Variants in GLT1D1 observed in about 807,000 individuals in gnomAD.
GLT1D1 encodes glycosyltransferase 1 domain containing 1, also known as glycosyltransferase 1 domain-containing protein 1.
Under a neutral mutation model 28.7 loss-of-function variants are expected in GLT1D1, and 21 were observed. The ratio of observed to expected loss-of-function variants is 0.73; its 90% CI spans 0.52 to 1.05. GLT1D1 has a LOEUF of 1.05. Among genes scored for constraint, GLT1D1 ranks in the 50% least tolerant of loss-of-function variants. GLT1D1 has a pLI of 0.00. For missense variants in GLT1D1, 343 were observed against 330.6 expected (o/e 1.04, Z -0.29); for synonymous variants, 147 against 124.8 (o/e 1.18, Z -1.19).
At chr12:128,894,213 C>T (rs996520661) in intron 3 of GLT1D1, among the ~76,000 whole-genome samples, 6 of 152,204 alleles carry the variant, frequency 3.9e-5, no homozygotes, top group Middle Eastern at 3.4e-3. Flanking sequence ...CCTCTCCGTC[C>T]GTCTTTCCTT....
At chr12:128,973,600 G>A (rs938871004) in intron 7 of GLT1D1, among the ~76,000 whole-genome samples, 6 of 151,792 alleles carry the variant, frequency 4.0e-5, no homozygotes, top group Admixed American at 1.3e-4. Flanking sequence ...GCTCTAACCC[G>A]CCAAGCCGTC....
At chr12:128,941,237 G>A (rs1473098292) in intron 4 of GLT1D1, among the ~76,000 whole-genome samples, 2 of 152,150 alleles carry the variant, frequency 1.3e-5, no homozygotes, top group African/African-American at 4.8e-5. Flanking sequence ...TGATGATCAG[G>A]TCCTGGCCTT....
intron 7 of GLT1D1, among the ~76,000 whole-genome samples, chr12:128,973,348 A>ATTTTTTTTTT (rs369304204): frequency 4.2e-5 from 5 of 118,856 alleles, no homozygotes; most frequent in Non-Finnish European, 3.4e-5. Flanking sequence ...ACACCTGGCT[A>ATTTTTTTTTT]TTTTTTTTTT....
intron 4 of GLT1D1, 80 bp from the exon 5 acceptor site, chr12:128,912,344 A>T: frequency 1.2e-6 from 1 of 859,050 alleles, no homozygotes; most frequent in Non-Finnish European, 1.8e-6. Flanking sequence ...TTTGTTAATG[A>T]CCTTCATTTT....
intron 7 of GLT1D1, among the ~76,000 whole-genome samples, chr12:128,974,397 G>A (rs61946475): frequency 0.2 from 30,990 of 152,046 alleles, 3,886 homozygotes; most frequent in Non-Finnish European, 0.28. Flanking sequence ...ACAGAGCCCC[G>A]GGAATGGCAG....
chr12:128,981,663 CTA>C (rs1880330216), intron 7 of GLT1D1, among the ~76,000 whole-genome samples: 1 of 152,212 alleles, frequency 6.6e-6, no homozygotes. Context: ...CAAAAGCACT[CTA>C]TGTTGATCTT....
intron 4 of GLT1D1, among the ~76,000 whole-genome samples, chr12:128,914,557 C>T (rs960930558): frequency 6.6e-6 from 1 of 152,160 alleles, no homozygotes; most frequent in Non-Finnish European, 1.5e-5. Flanking sequence ...TGGTGGCTTA[C>T]ACCTGTAATC....
At chr12:128,952,170 T>C (rs672633) in intron 6 of GLT1D1, among the ~76,000 whole-genome samples, 132,991 of 151,932 alleles carry the variant, frequency 0.88, 58,355 homozygotes, top group African/African-American at 0.93. Context: ...GACTGGGAGA[T>C]GGGCAGGAAG....
At chr12:128,875,848 G>C in intron 1 of GLT1D1, 66 bp from the exon 2 acceptor site, 3 of 1,377,654 alleles carry the variant, frequency 2.2e-6, no homozygotes, top group East Asian at 2.3e-5. Context: ...CTTAACTGTA[G>C]CAGCAACCTG....
At chr12:128,959,602 TC>T (rs1877731965) in intron 7 of GLT1D1, among the ~76,000 whole-genome samples, 1 of 152,130 alleles carries the variant, frequency 6.6e-6, no homozygotes, top group Admixed American at 6.5e-5. Flanking sequence ...CAGGAGTTTC[TC>T]TGTTATTGTC....
chr12:128,897,524 C>G (rs1566112680), intron 3 of GLT1D1, among the ~76,000 whole-genome samples: 1 of 152,046 alleles, frequency 6.6e-6, no homozygotes, highest in Non-Finnish European at 1.5e-5. Context: ...GCTGCTTGTT[C>G]TCTTATATCA....
At chr12:128,893,131 G>C (rs959662665) in intron 3 of GLT1D1, among the ~76,000 whole-genome samples, 1 of 152,148 alleles carries the variant, frequency 6.6e-6, no homozygotes, top group Non-Finnish European at 1.5e-5. Flanking sequence ...TGTAATCCCA[G>C]CTACTCAGGA....
intron 7 of GLT1D1, among the ~76,000 whole-genome samples, chr12:128,977,491 A>C (rs1375410208): frequency 6.6e-6 from 1 of 152,106 alleles, no homozygotes; most frequent in Non-Finnish European, 1.5e-5. Flanking sequence ...ACCTGTTGAT[A>C]TTTAACATGG....
Position 128,914,798 on chromosome 12 carries a change from T to C in GLT1D1, c.375+15511T>C, listed in dbSNP as rs531043267. 6.2e-6 allele frequency: 4 copies of C among 648,784 alleles called. No individual in the cohort carries two copies. In the South Asian group the frequency reaches 8.2e-5, roughly 13 times the overall value. The allele number at this position is 648,784 out of a possible 1,614,324, so 40.2% of individuals were successfully genotyped here. On this transcript the variant is annotated intron_variant, in intron 4 of 7. Coordinates refer to ENST00000281703, the MANE Select transcript of GLT1D1 (RefSeq NM_144669.3). ...TCGTGGCACTGCACTGCAGCCTGGG[T>C]GACAGAGCGAGACTCTGTCTCAAAA...
At chr12:128,977,691 A>T (rs2135554814) in intron 7 of GLT1D1, among the ~76,000 whole-genome samples, 1 of 151,842 alleles carries the variant, frequency 6.6e-6, no homozygotes, top group South Asian at 2.1e-4. Context: ...CTCTCTTGAG[A>T]GATGGAATTT....
In GLT1D1 at chr12:128,948,707, T is replaced by A. The variant is rs543247480; in HGVS notation, c.540+1249T>A. Among the ~76,000 whole-genome samples, 443 of 133,006 alleles carry A rather than the reference T, an allele frequency of 3.3e-3. 1 individual carries two copies. The highest frequency in any genetic ancestry group is 0.01 in the African/African-American group (411 of 39,334). The allele number at this position is 133,006 out of a possible 152,430, so 87.3% of individuals were successfully genotyped here. A position where few individuals can be genotyped will look rare whatever the true frequency, so the allele number is the denominator to read the frequency against. Reference sequence around the variant, plus strand: ...TGTATCCCCTTGGATACCAGGTGAATGTACTGAACTTACTGACAAAAGTTA... The same window carrying A: ...TGTATCCCCTTGGATACCAGGTGAAAGTACTGAACTTACTGACAAAAGTTA... On this transcript the variant is annotated intron_variant, in intron 6 of 7. Transcript: ENST00000281703.
At chr12:128,905,644 T>C (rs1179474067) in intron 4 of GLT1D1, among the ~76,000 whole-genome samples, 2 of 152,200 alleles carry the variant, frequency 1.3e-5, no homozygotes, top group Non-Finnish European at 2.9e-5. Flanking sequence ...CATTATTTTT[T>C]AGTGTTGTTT....
chr12:128,972,760 C>T (rs1879310221), intron 7 of GLT1D1, among the ~76,000 whole-genome samples: 1 of 152,160 alleles, frequency 6.6e-6, no homozygotes, highest in East Asian at 1.9e-4. Context: ...AGCTGAGGTT[C>T]ATACTCTGCT....
Position 128,899,275 on chromosome 12 carries a change from A to AGT in GLT1D1, c.363_364insGT (p.Gln122ValfsTer14). ...TCACAGAGTCAATGAAGGAAATGGCACAAGCGCAGTGGGTATGTGTTTATC... is the reference window on the plus strand; with the variant it reads ...TCACAGAGTCAATGAAGGAAATGGCAGTCAAGCGCAGTGGGTATGTGTTTATC... On this transcript the variant is annotated frameshift_variant, in exon 4 of 8. Transcript: ENST00000281703. LOFTEE classifies it high-confidence loss of function. The AGT allele has an allele frequency of 6.2e-7, 1 of 1,613,634 alleles. No individual in the cohort carries two copies. Among genetic ancestry groups the AGT allele is most frequent in the Non-Finnish European group, 8.5e-7 (1 of 1,179,538 alleles).
Sources: allele counts gnomAD v4.1 joint callset (sites outside exome capture counted in the v4.1 genomes callset), GRCh38; gene constraint gnomAD v4.1.1; transcripts MANE v1.5; gene names NCBI Gene and HGNC (gene_info 2026-07-23, HGNC 2026-07-21).